Variants in B3GALT1 observed in about 807,000 individuals in gnomAD.
The protein encoded by B3GALT1 is beta-1,3-galactosyltransferase 1.
Under a neutral mutation model 23.2 loss-of-function variants are expected in B3GALT1, and 10 were observed. The ratio of observed to expected loss-of-function variants is 0.43; its 90% CI spans 0.27 to 0.73. B3GALT1 has a LOEUF of 0.73. Ranked by LOEUF, B3GALT1 falls within the 30% of genes least tolerant of loss-of-function variation. B3GALT1 has a pLI of 0.21. For missense variants in B3GALT1, 299 were observed against 405.4 expected (o/e 0.74, Z 2.25); for synonymous variants, 156 against 141.5 (o/e 1.10, Z -0.73).
At chr2:167,403,508 A>G (rs1053664422) in intron 1 of B3GALT1, among the ~76,000 whole-genome samples, 31 of 152,120 alleles carry the variant, frequency 2.0e-4, no homozygotes, top group Admixed American at 1.9e-3. Context: ...TGTTTAAAAA[A>G]AAAAAGACTC....
At chr2:167,840,612 G>C (rs1689623981) in intron 4 of B3GALT1, among the ~76,000 whole-genome samples, 1 of 150,038 alleles carries the variant, frequency 6.7e-6, no homozygotes, top group African/African-American at 2.5e-5. Flanking sequence ...GTGGAAGTCA[G>C]TGTGGCGATT....
intron 2 of B3GALT1, among the ~76,000 whole-genome samples, chr2:167,519,649 G>A (rs1329352847): frequency 6.6e-6 from 1 of 152,136 alleles, no homozygotes; most frequent in Non-Finnish European, 1.5e-5. Flanking sequence ...ACAGGAATAA[G>A]TAGCTACCGT....
intron 2 of B3GALT1, among the ~76,000 whole-genome samples, chr2:167,556,223 G>A (rs1306156988): frequency 6.6e-6 from 1 of 151,896 alleles, no homozygotes. Flanking sequence ...TAATTATGGA[G>A]GCTTCACATA....
At chr2:167,782,794 A>T (rs1475939027) in intron 3 of B3GALT1, among the ~76,000 whole-genome samples, 1 of 152,214 alleles carries the variant, frequency 6.6e-6, no homozygotes, top group Non-Finnish European at 1.5e-5. Flanking sequence ...AAACCTTCCT[A>T]AATATGTACA....
intron 3 of B3GALT1, among the ~76,000 whole-genome samples, chr2:167,726,075 A>G (rs1274106930): frequency 6.6e-6 from 1 of 152,164 alleles, no homozygotes; most frequent in African/African-American, 2.4e-5. Flanking sequence ...AATCAGTTCG[A>G]TAAGTCTGAG....
intron 1 of B3GALT1, among the ~76,000 whole-genome samples, chr2:167,325,742 G>C (rs1460675733): frequency 7.8e-6 from 1 of 128,660 alleles, no homozygotes; most frequent in Non-Finnish European, 1.6e-5. Flanking sequence ...TTTCGAGATA[G>C]ATTCTTGCTG....
chr2:167,789,556 TATAATA>T (rs918014490), intron 3 of B3GALT1, among the ~76,000 whole-genome samples: 2 of 152,212 alleles, frequency 1.3e-5, no homozygotes, highest in African/African-American at 4.8e-5. Flanking sequence ...TGGTGATAGT[TATAATA>T]ATAACAATTA....
At chr2:167,797,951 G>A (rs1048382637) in intron 3 of B3GALT1, among the ~76,000 whole-genome samples, 7 of 152,088 alleles carry the variant, frequency 4.6e-5, no homozygotes, top group South Asian at 4.1e-4. Context: ...TGATCCACCC[G>A]CCTTGGCCTC....
At chr2:167,661,772 T>C (rs1416886022) in intron 3 of B3GALT1, among the ~76,000 whole-genome samples, 1 of 152,076 alleles carries the variant, frequency 6.6e-6, no homozygotes, top group Non-Finnish European at 1.5e-5. Flanking sequence ...GTGATTATAA[T>C]GATCAAATAT....
At chr2:167,743,885 T>C (rs1248275882) in intron 3 of B3GALT1, among the ~76,000 whole-genome samples, 1 of 152,132 alleles carries the variant, frequency 6.6e-6, no homozygotes, top group Non-Finnish European at 1.5e-5. Context: ...CTTCTGTTTT[T>C]CTAACTTCCT....
chr2:167,448,531 A>G (rs556675690), intron 1 of B3GALT1, among the ~76,000 whole-genome samples: 1 of 152,240 alleles, frequency 6.6e-6, no homozygotes, highest in South Asian at 2.1e-4. Flanking sequence ...TCAGATGTAT[A>G]GATTGTGAAG....
chr2:167,625,108 C>G (rs1685317514), intron 2 of B3GALT1, among the ~76,000 whole-genome samples: 2 of 151,834 alleles, frequency 1.3e-5, no homozygotes, highest in Admixed American at 1.3e-4. Context: ...GTGCCTGGAA[C>G]TTCAGAAAAA....
intron 2 of B3GALT1, among the ~76,000 whole-genome samples, chr2:167,528,738 G>A (rs1417474742): frequency 6.6e-6 from 1 of 152,182 alleles, no homozygotes; most frequent in Non-Finnish European, 1.5e-5. Flanking sequence ...GGAGGATACA[G>A]AAAGGAAATC....
intron 2 of B3GALT1, among the ~76,000 whole-genome samples, chr2:167,578,848 G>A (rs531345973): frequency 3.1e-4 from 47 of 152,082 alleles, no homozygotes; most frequent in South Asian, 1.0e-3. Flanking sequence ...CAAGAGTTAT[G>A]GGGATATTTG....
At chr2:167,608,731 C>T (rs1685009653) in intron 2 of B3GALT1, among the ~76,000 whole-genome samples, 1 of 152,088 alleles carries the variant, frequency 6.6e-6, no homozygotes, top group Non-Finnish European at 1.5e-5. Context: ...TGATGGAAAA[C>T]AAATCAGCAA....
At chr2:167,374,332 A>C (rs1218507075) in intron 1 of B3GALT1, among the ~76,000 whole-genome samples, 1 of 152,210 alleles carries the variant, frequency 6.6e-6, no homozygotes, top group Non-Finnish European at 1.5e-5. Context: ...ATGCAAGTGC[A>C]TGGGTCTTTT....
At chr2:167,564,843 A>G (rs1188285040) in intron 2 of B3GALT1, among the ~76,000 whole-genome samples, 2 of 152,242 alleles carry the variant, frequency 1.3e-5, no homozygotes, top group African/African-American at 2.4e-5. Context: ...ACCACTGCTC[A>G]ATGAAATAAA....
chr2:167,450,197 G>C (rs1260572701), intron 1 of B3GALT1, among the ~76,000 whole-genome samples: 2 of 150,102 alleles, frequency 1.3e-5, no homozygotes, highest in South Asian at 2.1e-4. Context: ...AAAGAATTCA[G>C]CTGTGAATCT....
At chr2:167,384,133 C>G (rs996730174) in intron 1 of B3GALT1, among the ~76,000 whole-genome samples, 1 of 152,078 alleles carries the variant, frequency 6.6e-6, no homozygotes, top group Admixed American at 6.5e-5. Context: ...AACCGTGATT[C>G]CTTTAGTGGA....
Sources: allele counts gnomAD v4.1 joint callset (sites outside exome capture counted in the v4.1 genomes callset), GRCh38; gene constraint gnomAD v4.1.1; transcripts MANE v1.5; gene names NCBI Gene and HGNC (gene_info 2026-07-23, HGNC 2026-07-21).